The following REEP2 variants were observed in gnomAD, a reference collection of about 807,000 sequenced individuals.
REEP2 encodes the protein receptor accessory protein 2, also known as receptor expression-enhancing protein 2.
A neutral mutation model predicts 32.1 loss-of-function variants in REEP2; 9 were observed. That is an observed-to-expected ratio of 0.28 (90% CI 0.17 to 0.49). The LOEUF is 0.49. Among genes scored for constraint, REEP2 ranks in the 20% least tolerant of loss-of-function variants. REEP2 has a pLI of 0.99. For missense variants in REEP2, 236 were observed against 338.0 expected (o/e 0.70, Z 2.37); for synonymous variants, 128 against 139.1 (o/e 0.92, Z 0.56).
At chr5:138,444,606 A>G (rs1000377284) in intron 4 of REEP2, 71 bp downstream of exon 4, 20 of 1,594,140 alleles carry the variant, frequency 1.3e-5, no homozygotes, top group Non-Finnish European at 1.5e-5. Flanking sequence ...GCAGCCTCAT[A>G]CAGACTGGCC....
At chr5:138,443,825 G>A (rs1468838554) in intron 3 of REEP2, 1 of 152,346 alleles carries the variant, frequency 6.6e-6, no homozygotes, top group Non-Finnish European at 1.5e-5. Flanking sequence ...ACAGGCCACT[G>A]TGCCAGGCCT....
rs1294591966 is a variant in REEP2 at position 138,445,866 on chromosome 5, G to A, written c.*115G>A. 1.9e-5 allele frequency: 19 copies of A among 1,019,092 alleles called. No homozygotes were observed. The highest frequency in any genetic ancestry group is 1.6e-4 in the African/African-American group (10 of 61,412). 63.1% of individuals were successfully genotyped at this position (1,019,092 alleles called of 1,614,324 possible). A position where few individuals can be genotyped will look rare whatever the true frequency, so the allele number is the denominator to read the frequency against. On this transcript the variant is annotated 3_prime_UTR_variant, in exon 8 of 8. Coordinates refer to ENST00000378339, the MANE Select transcript of REEP2 (RefSeq NM_001271803.2). ...TAGGTGTCTCAGGCCCCTGGGCCCCGCAGATGGCCATTTCCGGTGCCTGCC... is the reference window on the plus strand; with the variant it reads ...TAGGTGTCTCAGGCCCCTGGGCCCCACAGATGGCCATTTCCGGTGCCTGCC...
chr5:138,443,065 T>G (rs1419787822), intron 3 of REEP2, among the ~76,000 whole-genome samples: 1 of 150,708 alleles, frequency 6.6e-6, no homozygotes, highest in Non-Finnish European at 1.5e-5. Flanking sequence ...GCATGGTGGC[T>G]CCTGCTTGTA....
intron 5 of REEP2, 162 bp from the exon 6 acceptor site, chr5:138,445,066 A>G (rs2127025703): frequency 1.1e-6 from 1 of 895,686 alleles, no homozygotes; most frequent in Non-Finnish European, 1.7e-6. Flanking sequence ...CCCCAGAGGC[A>G]AAGTGTGGCC....
In REEP2 at chr5:138,439,273, C is replaced by A. The variant is rs552823337; in HGVS notation, c.32+33C>A. 39 of 1,426,444 alleles carry A rather than the reference C, an allele frequency of 2.7e-5. No individual in the cohort carries two copies. The African/African-American group carries it at 3.3e-4, about 12-fold the overall frequency. 88.4% of individuals were successfully genotyped at this position (1,426,444 alleles called of 1,614,324 possible). ...CGGCGGCGGCGGGGGGTGATGCGGG[C>A]TGTGATGGAGGGCGGGGGTGTTAAA... On this transcript the variant is annotated intron_variant, in intron 1 of 7. Coordinates refer to ENST00000378339, the MANE Select transcript of REEP2 (RefSeq NM_001271803.2).
chr5:138,439,585 C>G (rs1292954647), intron 1 of REEP2: 7 of 493,696 alleles, frequency 1.4e-5, no homozygotes, highest in Admixed American at 1.4e-4. Flanking sequence ...CAGGTCTGGG[C>G]TGGAGGAGAT....
chr5:138,444,873 A>T lies in REEP2; in HGVS notation c.417+6A>T, dbSNP rs1377650634. On this transcript the variant is annotated splice_donor_region_variant and intron_variant, in intron 5 of 7. Coordinates refer to ENST00000378339, the MANE Select transcript of REEP2 (RefSeq NM_001271803.2). ...CAGTCACAGCTGCCGCCAAGGTGAG[A>T]TGGGGGCAGGCTCAGACTCCCAGGG... 1.2e-6 allele frequency: 2 copies of T among 1,604,920 alleles called. No individual in the cohort carries two copies. The highest frequency in any genetic ancestry group is 1.7e-6 in the Non-Finnish European group (2 of 1,174,140).
Position 138,441,300 on chromosome 5 carries a change from C to A in REEP2, c.106-85C>A. 7.4e-7 allele frequency: 1 copy of A among 1,360,018 alleles called. No individual in the cohort carries two copies. The highest frequency in any genetic ancestry group is 1.2e-5 in the South Asian group (1 of 85,788). The allele number at this position is 1,360,018 out of a possible 1,614,324, so 84.2% of individuals were successfully genotyped here. The stretch of plus-strand genomic sequence containing the variant: ...TCCTTGGTGTTCTCCCCAGCCCAGG[C>A]ATGTTCAACAGGCAGAGCTGGGGTC... On this transcript the variant is annotated intron_variant, in intron 2 of 7. Transcript: ENST00000378339. The surrounding 1 kb of genome is among the most constrained non-coding windows in gnomAD (Gnocchi z 4.4).
In REEP2 at chr5:138,439,208, C is replaced by T. The variant is rs752787364; in HGVS notation, c.-1C>T. The T allele has an allele frequency of 4.4e-5, 61 of 1,382,580 alleles. No homozygotes were observed. Among genetic ancestry groups the T allele is most frequent in the Admixed American group, 8.6e-5 (3 of 34,702 alleles). The allele number at this position is 1,382,580 out of a possible 1,614,324, so 85.6% of individuals were successfully genotyped here. On this transcript the variant is annotated 5_prime_UTR_variant, in exon 1 of 8. Transcript: ENST00000378339. ...CGCCCCGCGCCGCGCCCGGCCCCGC[C>T]ATGGTGTCCTGGATCATCTCTCGCC... is the stretch of plus-strand genomic sequence containing the variant.
At position 138,446,345 on chromosome 5, in the gene REEP2, G is replaced by T. The variant is rs1250783674; in HGVS notation, c.*594G>T. 6.5e-6 allele frequency: 1 copy of T among 154,056 alleles called. No homozygotes were observed. The highest frequency in any genetic ancestry group is 2.4e-5 in the African/African-American group (1 of 41,430). 9.5% of individuals were successfully genotyped at this position (154,056 alleles called of 1,614,324 possible). On this transcript the variant is annotated 3_prime_UTR_variant, in exon 8 of 8. Transcript: ENST00000378339. ...GGCTCTTTTCCTGGTCATTGGGTGG[G>T]GCTGAGTGCCACATGTTCCCACATT... is the stretch of plus-strand genomic sequence containing the variant.
chr5:138,445,473 G>T lies in REEP2; in HGVS notation c.571G>T (p.Asp191Tyr). The change falls in exon 7 of 8, where the codon GAC becomes TAC. Residue 191 changes from aspartate (D) to tyrosine (Y), a missense_variant. Physicochemically the swap from Asp to Tyr is radical, Grantham distance 160 (BLOSUM62 -3). Coordinates refer to ENST00000378339, the MANE Select transcript of REEP2 (RefSeq NM_001271803.2). ...CCTTTTCTCCCTGCACCCAGGAGAT[G>T]ACCCTGCCCTGAGTCTAAGGTCCAG... The part of the protein sequence containing the change: ...LLDTIEDLGD[D>Y]PALSLRSSTN... The T allele has an allele frequency of 6.2e-7, 1 of 1,614,180 alleles. No homozygotes were observed. The highest frequency in any genetic ancestry group is 8.5e-7 in the Non-Finnish European group (1 of 1,180,020).
At chr5:138,440,384 T>G (rs1345653645) in intron 1 of REEP2, among the ~76,000 whole-genome samples, 1 of 152,206 alleles carries the variant, frequency 6.6e-6, no homozygotes, top group Non-Finnish European at 1.5e-5. Flanking sequence ...GCATCGGTCC[T>G]CTTCTTTCCC....
In REEP2 at chr5:138,441,068, AC is replaced by A. The variant is rs2127021824; in HGVS notation, c.86del (p.Thr29LysfsTer4). The A allele has an allele frequency of 6.2e-7, 1 of 1,613,874 alleles. No homozygotes were observed. Among genetic ancestry groups the A allele is most frequent in the Non-Finnish European group, 8.5e-7 (1 of 1,180,002 alleles). ...PAYSSYKAVK[T>X]KNVKEYVKWM... ...CTATTCTTCCTACAAGGCCGTGAAG[AC>A]AAAAAACGTGAAGGAATATGTGAGT... On this transcript the variant is annotated frameshift_variant, in exon 2 of 8. Coordinates refer to ENST00000378339, the MANE Select transcript of REEP2 (RefSeq NM_001271803.2). LOFTEE classifies it high-confidence loss of function. This position sits in a 1 kb window ranked among gnomAD's most constrained non-coding sequence, Gnocchi z 4.4.
In REEP2 at chr5:138,441,111, C is replaced by T. The variant is rs763001756; in HGVS notation, c.105+23C>T. ...TATGTGAGTGGATGACCCTTCACCC[C>T]CTACCCAACCCACATGGCACAGAGA... On this transcript the variant is annotated intron_variant, in intron 2 of 7. Transcript: ENST00000378339. This position sits in a 1 kb window ranked among gnomAD's most constrained non-coding sequence, Gnocchi z 4.4. The T allele has an allele frequency of 2.5e-6, 4 of 1,613,432 alleles. No homozygotes were observed. The South Asian group carries it at 3.3e-5, about 13-fold the overall frequency.
In REEP2 at chr5:138,441,032, C is replaced by A. The variant is rs748834558; in HGVS notation, c.49C>A (p.Leu17Met). ...SRLVVLIFGTLYPAYSSYKAV... is the reference protein window; with the variant it reads ...SRLVVLIFGTMYPAYSSYKAV... ...CCTCCCTAGGCTCATCTTTGGCACC[C>A]TGTACCCAGCCTATTCTTCCTACAA... is the stretch of plus-strand genomic sequence containing the variant. The change falls in exon 2 of 8, where the codon CTG (leucine) becomes ATG (methionine). Residue 17 changes from leucine (L) to methionine (M), a missense_variant. Coordinates refer to ENST00000378339, the MANE Select transcript of REEP2 (RefSeq NM_001271803.2). This position sits in a 1 kb window ranked among gnomAD's most constrained non-coding sequence, Gnocchi z 4.4. The A allele has an allele frequency of 2.5e-6, 4 of 1,613,378 alleles. No individual in the cohort carries two copies. Among genetic ancestry groups the A allele is most frequent in the Admixed American group, 3.3e-5 (2 of 60,012 alleles).
chr5:138,439,838 A>T, intron 1 of REEP2: 1 of 445,744 alleles, frequency 2.2e-6, no homozygotes, highest in South Asian at 1.6e-5. Context: ...TAACTGGGAG[A>T]GGGGATGTGT....
intron 4 of REEP2, 49 bp downstream of exon 4, chr5:138,444,584 A>G (rs1763888560): frequency 5.6e-6 from 9 of 1,607,662 alleles, no homozygotes; most frequent in Non-Finnish European, 6.8e-6. Context: ...CAGCCAAGGC[A>G]GTCCAGAGCC....
At position 138,441,244 on chromosome 5, in the gene REEP2, C is replaced by T; in HGVS notation, c.106-141C>T. 1 of 1,259,744 alleles carries T rather than the reference C, an allele frequency of 7.9e-7. No individual in the cohort carries two copies. The highest frequency in any genetic ancestry group is 1.1e-6 in the Non-Finnish European group (1 of 870,264). 78.0% of individuals were successfully genotyped at this position (1,259,744 alleles called of 1,614,324 possible). ...AGGGCCCTGGGTGTCCCACACAGCG[C>T]CTCCAACATGGCTGGCAGGCAGAAG... On this transcript the variant is annotated intron_variant, in intron 2 of 7. Coordinates refer to ENST00000378339, the MANE Select transcript of REEP2 (RefSeq NM_001271803.2). The surrounding 1 kb of genome is among the most constrained non-coding windows in gnomAD (Gnocchi z 4.4).
chr5:138,439,843 A>G (rs1156290947), intron 1 of REEP2: 2 of 442,590 alleles, frequency 4.5e-6, no homozygotes, highest in Admixed American at 4.8e-5. Flanking sequence ...GGGAGAGGGG[A>G]TGTGTGTGCT....
Sources: gnomAD v4.1 joint callset for allele counts (sites outside exome capture counted in the v4.1 genomes callset) on GRCh38, gnomAD v4.1.1 for gene constraint, Gnocchi (gnomAD v3.1) non-coding constraint, MANE v1.5 for transcripts, NCBI Gene and HGNC (gene_info 2026-07-23, HGNC 2026-07-21) for gene names.